The following SORL1 variants were observed in gnomAD, a reference collection of about 807,000 sequenced individuals.
SORL1 encodes sortilin-related receptor.
In SORL1, 127 loss-of-function variants were observed where a neutral mutation model predicts 273.7. That is an observed-to-expected ratio of 0.46 (90% CI 0.40 to 0.54). SORL1 has a LOEUF of 0.54. SORL1 is among the 20% of genes least tolerant of loss of function. The pLI, the probability that SORL1 is intolerant of heterozygous loss-of-function variation, is 0.00. For missense variants in SORL1, 2,494 were observed against 2,846.1 expected (o/e 0.88, Z 2.81); for synonymous variants, 1,031 against 1,067.4 (o/e 0.97, Z 0.66).
intron 12 of SORL1, among the ~76,000 whole-genome samples, chr11:121,538,881 G>A (rs1252799021): frequency 1.3e-5 from 2 of 152,050 alleles, no homozygotes; most frequent in Non-Finnish European, 2.9e-5. Flanking sequence ...GTTTCACCTT[G>A]TTGGTCAGGC....
intron 28 of SORL1, among the ~76,000 whole-genome samples, chr11:121,588,461 C>G (rs1479476094): frequency 6.6e-6 from 1 of 152,120 alleles, no homozygotes; most frequent in Non-Finnish European, 1.5e-5. Context: ...AGTGAGAGGC[C>G]TTTCTTGCCA....
chr11:121,518,784 C>T (rs1348272996), intron 8 of SORL1, among the ~76,000 whole-genome samples: 1 of 152,108 alleles, frequency 6.6e-6, no homozygotes, highest in African/African-American at 2.4e-5. Flanking sequence ...TTTCCTGCCT[C>T]AGAGGTTGTT....
At chr11:121,557,511 G>A (rs1565335722) in intron 19 of SORL1, 106 bp downstream of exon 19, 1 of 852,882 alleles carries the variant, frequency 1.2e-6, no homozygotes, top group South Asian at 1.5e-5. Context: ...TCATGATGGT[G>A]GTTGAAATGG....
Position 121,555,312 on chromosome 11 carries a change from G to A in SORL1, c.2565G>A (p.Lys855=), listed in dbSNP as rs777325386. 6.2e-7 allele frequency: 1 copy of A among 1,613,766 alleles called. No individual in the cohort carries two copies. The highest frequency in any genetic ancestry group is 2.2e-5 in the East Asian group (1 of 44,866). ...ACTGGGTAGATGCAGGCTTCAAAAA[G>A]ATTGAGGTATGTGTATTTTCGTGCT... ...LLYWVDAGFK[K]IEVANPDGDF... is the part of the protein sequence containing the mutation. The change falls in exon 18 of 48, where the codon AAG becomes AAA. Residue 855 remains lysine, a synonymous_variant. Transcript: ENST00000260197.
At chr11:121,549,285 C>T (rs1200723373) in intron 14 of SORL1, among the ~76,000 whole-genome samples, 3 of 152,164 alleles carry the variant, frequency 2.0e-5, no homozygotes, top group African/African-American at 7.2e-5. Context: ...TGCAGTGGCG[C>T]AATCACGGCT....
chr11:121,627,541 C>A lies in SORL1; in HGVS notation c.6365-14C>A. 6.2e-7 allele frequency: 1 copy of A among 1,612,752 alleles called. No individual in the cohort carries two copies. ...CCTCAGGTGGGCTTATTGGTGGGAACTTTGCCTTGGCAGGTGCAGATGCAT... is the reference window on the plus strand; with the variant it reads ...CCTCAGGTGGGCTTATTGGTGGGAAATTTGCCTTGGCAGGTGCAGATGCAT... On this transcript the variant is annotated splice_polypyrimidine_tract_variant and intron_variant, in intron 46 of 47. Transcript: ENST00000260197. This position sits in a 1 kb window ranked among gnomAD's most constrained non-coding sequence, Gnocchi z 4.9.
Position 121,629,684 on chromosome 11 carries a change from CAAAAAACAA to C in SORL1, c.*128_*136del. The C allele has an allele frequency of 2.9e-6, 1 of 348,788 alleles. No individual in the cohort carries two copies. The highest frequency in any genetic ancestry group is 5.0e-6 in the Non-Finnish European group (1 of 200,006). The allele number at this position is 348,788 out of a possible 1,614,324, so 21.6% of individuals were successfully genotyped here. A position where few individuals can be genotyped will look rare whatever the true frequency, so the allele number is the denominator to read the frequency against. Reference sequence around the variant, plus strand: ...ATGTTATTTTTATATGGGCCAAAAACAAAAAACAAAAAAAAAAAAAAGGAAAGAAAGGAA... The same window carrying C: ...ATGTTATTTTTATATGGGCCAAAAACAAAAAAAAAAAAGGAAAGAAAGGAA... On this transcript the variant is annotated 3_prime_UTR_variant, in exon 48 of 48. Transcript: ENST00000260197.
At chr11:121,614,688 G>A (rs945275210) in intron 40 of SORL1, 183 bp from the exon 41 acceptor site, 17 of 569,662 alleles carry the variant, frequency 3.0e-5, no homozygotes, top group Middle Eastern at 3.4e-4. Flanking sequence ...AGTGTGTTAC[G>A]TACCGTCATC....
intron 25 of SORL1, among the ~76,000 whole-genome samples, chr11:121,583,122 A>T (rs537520344): frequency 3.7e-4 from 57 of 152,280 alleles, no homozygotes; most frequent in African/African-American, 1.3e-3. Context: ...ATGATCTCTA[A>T]TTTTCCTATT....
intron 35 of SORL1, among the ~76,000 whole-genome samples, chr11:121,606,427 T>A (rs1863474048): frequency 6.6e-6 from 1 of 152,196 alleles, no homozygotes; most frequent in African/African-American, 2.4e-5. Flanking sequence ...GATATAGAAA[T>A]TCTGTGATGT....
At chr11:121,542,732 A>G (rs1862364856) in intron 12 of SORL1, among the ~76,000 whole-genome samples, 1 of 151,860 alleles carries the variant, frequency 6.6e-6, no homozygotes, top group South Asian at 2.1e-4. Context: ...TCCTGGCCCC[A>G]ACACTTTCAC....
At chr11:121,504,966 C>G (rs1195390305) in intron 6 of SORL1, among the ~76,000 whole-genome samples, 1 of 151,630 alleles carries the variant, frequency 6.6e-6, no homozygotes, top group Non-Finnish European at 1.5e-5. Context: ...TCTTTTTTTT[C>G]CTCCTTTAGT....
chr11:121,585,497 A>G (rs991790483), intron 26 of SORL1, among the ~76,000 whole-genome samples: 5 of 125,718 alleles, frequency 4.0e-5, no homozygotes, highest in African/African-American at 1.3e-4. Context: ...AAAAAAATGT[A>G]TATACACACA....
chr11:121,461,415 G>A (rs182099106), intron 1 of SORL1, among the ~76,000 whole-genome samples: 1 of 152,292 alleles, frequency 6.6e-6, no homozygotes, highest in Non-Finnish European at 1.5e-5. Context: ...CCTGTGGGAC[G>A]TCCGCCTGTT....
rs775716654 is a variant in SORL1 at position 121,488,248 on chromosome 11, C to T, written c.690+55C>T. The T allele has an allele frequency of 5.5e-5, 86 of 1,569,930 alleles. 1 individual carries two copies. Among genetic ancestry groups the T allele is most frequent in the Non-Finnish European group, 7.4e-5 (85 of 1,146,762 alleles). On this transcript the variant is annotated intron_variant, in intron 4 of 47. Coordinates refer to ENST00000260197, the MANE Select transcript of SORL1 (RefSeq NM_003105.6). ...GGGGCTCCTCTAGTTTTCTCCTCTGCCTGTGTGGATTGTGTGTCCTTTGAG... is the reference window on the plus strand; with the variant it reads ...GGGGCTCCTCTAGTTTTCTCCTCTGTCTGTGTGGATTGTGTGTCCTTTGAG...
At position 121,577,039 on chromosome 11, in the gene SORL1, G is replaced by A. The variant is rs760090077; in HGVS notation, c.3461-242G>A. On this transcript the variant is annotated intron_variant, in intron 24 of 47. Coordinates refer to ENST00000260197, the MANE Select transcript of SORL1 (RefSeq NM_003105.6). ...TGGACAAGGATGCTGTTGTCAAGAGGCAAGCAGCTCTAAGGGTCTGAGGGT... is the reference window on the plus strand; with the variant it reads ...TGGACAAGGATGCTGTTGTCAAGAGACAAGCAGCTCTAAGGGTCTGAGGGT... 20 of 1,262,870 alleles carry A rather than the reference G, an allele frequency of 1.6e-5. No individual in the cohort carries two copies. In the South Asian group the frequency reaches 2.3e-4, roughly 14 times the overall value. The allele number at this position is 1,262,870 out of a possible 1,614,324, so 78.2% of individuals were successfully genotyped here. A position where few individuals can be genotyped will look rare whatever the true frequency, so the allele number is the denominator to read the frequency against.
intron 24 of SORL1, chr11:121,576,761 C>A: frequency 6.8e-7 from 1 of 1,473,804 alleles, no homozygotes; most frequent in Non-Finnish European, 9.0e-7. Flanking sequence ...GCTCTGCCCA[C>A]AGAAAGTCCC....
chr11:121,563,133 T>G lies in SORL1; in HGVS notation c.3049+3476T>G, dbSNP rs538364447. ...GAATATGAAAGTCTGGTTTAGTAAC[T>G]TGTGTAGGTCACACTTTTAGTAAGT... On this transcript the variant is annotated intron_variant, in intron 21 of 47. Coordinates refer to ENST00000260197, the MANE Select transcript of SORL1 (RefSeq NM_003105.6). The surrounding 1 kb of genome is among the most constrained non-coding windows in gnomAD (Gnocchi z 4.2). Among the ~76,000 whole-genome samples, 5 of 152,336 alleles carry G rather than the reference T, an allele frequency of 3.3e-5. No individual in the cohort carries two copies. Among genetic ancestry groups the G allele is most frequent in the African/African-American group, 9.6e-5 (4 of 41,574 alleles).
At chr11:121,521,115 G>C (rs1487323731) in intron 9 of SORL1, among the ~76,000 whole-genome samples, 2 of 151,326 alleles carry the variant, frequency 1.3e-5, no homozygotes, top group Non-Finnish European at 2.9e-5. Context: ...TGTTTAGTTA[G>C]ACCATTACTT....
Sources: gnomAD v4.1 joint callset for allele counts (sites outside exome capture counted in the v4.1 genomes callset) on GRCh38, gnomAD v4.1.1 for gene constraint, Gnocchi (gnomAD v3.1) non-coding constraint, MANE v1.5 for transcripts, NCBI Gene and HGNC (gene_info 2026-07-23, HGNC 2026-07-21) for gene names.